The following SAMD12 variants were observed in gnomAD, a reference collection of about 807,000 sequenced individuals.
SAMD12 encodes sterile alpha motif domain-containing protein 12.
In SAMD12, 9 loss-of-function variants were observed where a neutral mutation model predicts 15.0. The ratio of observed to expected loss-of-function variants is 0.60; its 90% CI spans 0.36 to 1.05. The LOEUF (loss-of-function observed/expected upper bound fraction) is 1.05, where lower values mean the gene tolerates loss of function less well. Ranked by LOEUF, SAMD12 falls within the 50% of genes least tolerant of loss-of-function variation. The pLI, the probability that SAMD12 is intolerant of heterozygous loss-of-function variation, is 0.01. For missense variants in SAMD12, 230 were observed against 234.2 expected (o/e 0.98, Z 0.12); for synonymous variants, 86 against 90.1 (o/e 0.96, Z 0.25).
At chr8:118,268,580 T>G (rs1473325629) in intron 4 of SAMD12, among the ~76,000 whole-genome samples, 1 of 152,150 alleles carries the variant, frequency 6.6e-6, no homozygotes, top group African/African-American at 2.4e-5. Context: ...TTTGGGAGGT[T>G]AAGGCAGGCA....
intron 2 of SAMD12, among the ~76,000 whole-genome samples, chr8:118,542,112 G>C (rs4326413): frequency 0.69 from 105,459 of 152,084 alleles, 37,820 homozygotes; most frequent in African/African-American, 0.89. Flanking sequence ...CTATTTTACT[G>C]CATGCAAGAA....
chr8:118,231,094 A>G (rs1188489869), intron 4 of SAMD12, among the ~76,000 whole-genome samples: 20 of 152,334 alleles, frequency 1.3e-4, no homozygotes. Flanking sequence ...CCACAGCAGT[A>G]ATTTCCTTCT....
At chr8:118,371,700 TAGAG>T (rs1195716273) in intron 4 of SAMD12, among the ~76,000 whole-genome samples, 1 of 152,106 alleles carries the variant, frequency 6.6e-6, no homozygotes, top group Non-Finnish European at 1.5e-5. Flanking sequence ...ACACATCTTT[TAGAG>T]AGAGAAAAAT....
chr8:118,557,372 A>G (rs1826567902), intron 2 of SAMD12, among the ~76,000 whole-genome samples: 1 of 152,234 alleles, frequency 6.6e-6, no homozygotes, highest in South Asian at 2.1e-4. Context: ...CTTCTTTTCT[A>G]TATAAATTAC....
At chr8:118,325,277 G>A (rs1343373781) in intron 4 of SAMD12, among the ~76,000 whole-genome samples, 1 of 152,096 alleles carries the variant, frequency 6.6e-6, no homozygotes, top group Non-Finnish European at 1.5e-5. Flanking sequence ...GTAGCTTCTT[G>A]GGACATGCTT....
chr8:118,534,556 TC>T (rs1825785068), intron 2 of SAMD12, among the ~76,000 whole-genome samples: 1 of 152,218 alleles, frequency 6.6e-6, no homozygotes. Context: ...TTGGTTCCAT[TC>T]TCCCTGTCAC....
intron 2 of SAMD12, among the ~76,000 whole-genome samples, chr8:118,475,635 C>T (rs970877654): frequency 2.0e-5 from 3 of 152,188 alleles, no homozygotes; most frequent in Admixed American, 6.5e-5. Context: ...GTCTGTACTC[C>T]GTGGTCTACT....
At chr8:118,185,391 C>T (rs894389444), downstream of SAMD12, among the ~76,000 whole-genome samples, 5 of 152,152 alleles carry the variant, frequency 3.3e-5, no homozygotes, top group African/African-American at 1.2e-4. Flanking sequence ...ACCCCCTTCT[C>T]CCTTCCCACT....
chr8:118,480,140 T>A (rs971709606), intron 2 of SAMD12, among the ~76,000 whole-genome samples: 1 of 152,196 alleles, frequency 6.6e-6, no homozygotes, highest in Non-Finnish European at 1.5e-5. Flanking sequence ...CATTCCAGCT[T>A]CAGTAGCAGG....
intron 2 of SAMD12, among the ~76,000 whole-genome samples, chr8:118,530,175 G>C (rs570013083): frequency 6.6e-6 from 1 of 152,114 alleles, no homozygotes; most frequent in South Asian, 2.1e-4. Context: ...GTCTTCTTTT[G>C]AGAAGTGTCT....
intron 4 of SAMD12, among the ~76,000 whole-genome samples, chr8:118,254,732 A>G (rs1812894036): frequency 6.6e-6 from 1 of 151,704 alleles, no homozygotes; most frequent in Non-Finnish European, 1.5e-5. Context: ...TCAGCTTTCC[A>G]CCATTCAGGT....
the SAMD12 span, among the ~76,000 whole-genome samples, chr8:118,161,438 G>A: frequency 6.6e-6 from 1 of 151,852 alleles, no homozygotes; most frequent in African/African-American, 2.4e-5. Context: ...AAATTAGCTG[G>A]GTGTGGTGGC....
chr8:118,409,076 A>G (rs1247578018), intron 3 of SAMD12, among the ~76,000 whole-genome samples: 7 of 152,048 alleles, frequency 4.6e-5, no homozygotes, highest in African/African-American at 1.7e-4. Flanking sequence ...GAAAAAATTC[A>G]ATTATTTATG....
intron 2 of SAMD12, among the ~76,000 whole-genome samples, chr8:118,488,817 T>A (rs1824357633): frequency 6.6e-6 from 1 of 152,246 alleles, no homozygotes; most frequent in African/African-American, 2.4e-5. Context: ...TGCTGTGACA[T>A]TCTTGTACAA....
At chr8:118,333,322 G>A (rs547192033) in intron 4 of SAMD12, among the ~76,000 whole-genome samples, 11 of 152,156 alleles carry the variant, frequency 7.2e-5, no homozygotes, top group African/African-American at 2.4e-4. Flanking sequence ...GTGTTATGGC[G>A]CTCCAACCTC....
rs140201285 is a variant in SAMD12 at position 118,340,589 on chromosome 8, C to T, written c.433+38971G>A. ...CTGGAAACCAGCCTGGCCAATATGG[C>T]GAAACCCTGTCTTCACTAAAAATAC... On this transcript the variant is annotated intron_variant, in intron 4 of 4. Transcript: ENST00000409003. Among the ~76,000 whole-genome samples, 782 of 152,188 alleles carry T rather than the reference C, an allele frequency of 5.1e-3. 10 individuals are homozygous for T. Among genetic ancestry groups the T allele is most frequent in the African/African-American group, 0.017 (710 of 41,512 alleles).
intron 1 of SAMD12, among the ~76,000 whole-genome samples, chr8:118,616,910 G>T (rs185961414): frequency 6.6e-6 from 1 of 152,184 alleles, no homozygotes; most frequent in Non-Finnish European, 1.5e-5. Context: ...AGAGATCTAG[G>T]TTGCACATGC....
At chr8:118,570,500 GGCCTCCA>G (rs888104746) in intron 2 of SAMD12, among the ~76,000 whole-genome samples, 1 of 152,086 alleles carries the variant, frequency 6.6e-6, no homozygotes, top group African/African-American at 2.4e-5. Context: ...TAAGGATATT[GGCCTCCA>G]GCTCCATCCT....
intron 3 of SAMD12, among the ~76,000 whole-genome samples, chr8:118,406,211 C>CTT (rs374069264): frequency 6.9e-6 from 1 of 145,938 alleles, no homozygotes; most frequent in African/African-American, 2.5e-5. Flanking sequence ...ACTATGGATT[C>CTT]TTTTTTTTTT....
Sources: allele counts gnomAD v4.1 joint callset (sites outside exome capture counted in the v4.1 genomes callset), GRCh38; gene constraint gnomAD v4.1.1; transcripts MANE v1.5; gene names NCBI Gene and HGNC (gene_info 2026-07-23, HGNC 2026-07-21).